Variants in SMAD7 observed in about 807,000 individuals in gnomAD.
SMAD7 encodes SMAD family member 7.
SMAD7 carries 8 observed loss-of-function variants against 38.7 expected under a neutral mutation model. The observed-to-expected ratio is 0.21, with a 90% CI of 0.12 to 0.37. The LOEUF (loss-of-function observed/expected upper bound fraction) is 0.37, where lower values mean the gene tolerates loss of function less well. Ranked by LOEUF, SMAD7 falls within the 10% of genes least tolerant of loss-of-function variation. The pLI, the probability that SMAD7 is intolerant of heterozygous loss-of-function variation, is 1.00. For synonymous variants in SMAD7, 327 were observed against 265.1 expected (o/e 1.23, Z -2.27); for missense variants, 477 against 577.9 (o/e 0.83, Z 1.79).
chr18:48,935,363 G>T (rs2070052318), intron 3 of SMAD7, among the ~76,000 whole-genome samples: 1 of 152,204 alleles, frequency 6.6e-6, no homozygotes. Flanking sequence ...CAGGCTTGGG[G>T]CTAGCCATTC....
chr18:48,929,887 A>T (rs2069976163), intron 3 of SMAD7, among the ~76,000 whole-genome samples: 2 of 152,062 alleles, frequency 1.3e-5, no homozygotes, highest in South Asian at 4.1e-4. Context: ...AGAGGGTAGG[A>T]AAACTGTCCG....
chr18:48,932,298 T>C (rs527987050), intron 3 of SMAD7, among the ~76,000 whole-genome samples: 1 of 152,218 alleles, frequency 6.6e-6, no homozygotes, highest in Non-Finnish European at 1.5e-5. Context: ...CCCCAGAAAA[T>C]GCAGACAGCT....
At chr18:48,948,845 C>T (rs1047964542) in intron 1 of SMAD7, among the ~76,000 whole-genome samples, 4 of 152,286 alleles carry the variant, frequency 2.6e-5, no homozygotes, top group African/African-American at 7.2e-5. Context: ...CTGCCCCCGC[C>T]GGTCCGCTCG....
In SMAD7 at chr18:48,950,397, C is replaced by G; in HGVS notation, c.28G>C (p.Val10Leu). The G allele has an allele frequency of 6.5e-7, 1 of 1,548,504 alleles. No homozygotes were observed. Among genetic ancestry groups the G allele is most frequent in the Non-Finnish European group, 8.7e-7 (1 of 1,148,584 alleles). MFRTKRSAL[V>L]RRLWRSRAPG... ...GCACGGCTCCTCCAGAGACGCCGGA[C>G]GAGCGCAGATCGTTTGGTCCTGAAC... Residue 10 changes from valine to leucine, a missense_variant, in exon 1 of 4, where the codon GTC (valine) becomes CTC (leucine). Around this residue, in one of 2 missense-constraint regions of SMAD7, gnomAD observed 376 missense variants for 379.4 expected, o/e 0.99. Coordinates refer to ENST00000262158, the MANE Select transcript of SMAD7 (RefSeq NM_005904.4).
At chr18:48,947,694 C>T (rs544832207) in intron 2 of SMAD7, among the ~76,000 whole-genome samples, 6 of 152,340 alleles carry the variant, frequency 3.9e-5, no homozygotes, top group Admixed American at 1.3e-4. Flanking sequence ...GTGCTGCTGC[C>T]GGCCAGAAGT....
At chr18:48,922,744 G>GC (rs146189505) in intron 3 of SMAD7, among the ~76,000 whole-genome samples, 2 of 151,960 alleles carry the variant, frequency 1.3e-5, no homozygotes, top group African/African-American at 4.8e-5. Context: ...CCCCTTCTCT[G>GC]CCGGCACCCC....
chr18:48,940,788 C>T (rs557505351), intron 3 of SMAD7, among the ~76,000 whole-genome samples: 6 of 148,956 alleles, frequency 4.0e-5, no homozygotes, highest in Middle Eastern at 3.4e-3. Context: ...CCAGCCTGGG[C>T]GACAGAGCGA....
chr18:48,947,441 C>T (rs1420114873), intron 2 of SMAD7, among the ~76,000 whole-genome samples: 2 of 152,230 alleles, frequency 1.3e-5, no homozygotes, highest in East Asian at 1.9e-4. Context: ...GTGCCCAACC[C>T]TTCACTTTTC....
chr18:48,942,612 T>C (rs762418097), intron 2 of SMAD7, 57 bp from the exon 3 acceptor site: 2 of 1,611,584 alleles, frequency 1.2e-6, no homozygotes, highest in Admixed American at 1.7e-5. Context: ...AACACCAAGA[T>C]CCATCTTTAA....
intron 2 of SMAD7, among the ~76,000 whole-genome samples, chr18:48,944,348 G>A (rs987364243): frequency 1.3e-5 from 2 of 152,200 alleles, no homozygotes; most frequent in African/African-American, 4.8e-5. Flanking sequence ...GAGCAGAGCT[G>A]AGACCACATT....
intron 3 of SMAD7, among the ~76,000 whole-genome samples, chr18:48,930,759 G>A (rs1333237515): frequency 6.6e-6 from 1 of 152,332 alleles, no homozygotes; most frequent in East Asian, 1.9e-4. Flanking sequence ...TACCGTTGGC[G>A]ATGCCTTAAA....
intron 1 of SMAD7, 74 bp downstream of exon 1, chr18:48,949,738 C>A: frequency 4.8e-6 from 7 of 1,461,982 alleles, no homozygotes; most frequent in Non-Finnish European, 6.4e-6. Flanking sequence ...GCTGCACAAA[C>A]GCACTGCCCT....
Position 48,949,799 on chromosome 18 carries a change from G to T in SMAD7, c.613+13C>A. 1 of 1,590,756 alleles carries T rather than the reference G, an allele frequency of 6.3e-7. No homozygotes were observed. Among genetic ancestry groups the T allele is most frequent in the South Asian group, 1.1e-5 (1 of 88,176 alleles). ...CTCCGGAAAATGTTGGGGGTAGGGG[G>T]ACAACTTCTCACCTAGTTCGCAGAG... On this transcript the variant is annotated intron_variant, in intron 1 of 3. Coordinates refer to ENST00000262158, the MANE Select transcript of SMAD7 (RefSeq NM_005904.4).
chr18:48,933,982 T>C (rs1223435317), intron 3 of SMAD7, among the ~76,000 whole-genome samples: 2 of 152,228 alleles, frequency 1.3e-5, no homozygotes, highest in Non-Finnish European at 2.9e-5. Flanking sequence ...TCTTTCTTTC[T>C]GGTCTCTGTC....
intron 1 of SMAD7, among the ~76,000 whole-genome samples, chr18:48,948,784 A>T (rs1350105383): frequency 6.6e-6 from 1 of 152,164 alleles, no homozygotes; most frequent in African/African-American, 2.4e-5. Flanking sequence ...CCCAGCTCCC[A>T]GCAACCTCGG....
At chr18:48,943,745 A>T (rs1304563528) in intron 2 of SMAD7, among the ~76,000 whole-genome samples, 4 of 152,194 alleles carry the variant, frequency 2.6e-5, no homozygotes, top group African/African-American at 9.7e-5. Context: ...CAAATAGGAA[A>T]GCCAAAAAAA....
At chr18:48,931,487 T>C (rs1425067526) in intron 3 of SMAD7, among the ~76,000 whole-genome samples, 1 of 152,290 alleles carries the variant, frequency 6.6e-6, no homozygotes, top group Non-Finnish European at 1.5e-5. Flanking sequence ...AATTGTGGTA[T>C]AGCATGCATT....
At chr18:48,944,555 G>A (rs1243572835) in intron 2 of SMAD7, among the ~76,000 whole-genome samples, 2 of 152,350 alleles carry the variant, frequency 1.3e-5, no homozygotes, top group East Asian at 3.9e-4. Flanking sequence ...GTAAACTGAG[G>A]CGTCACTGAC....
chr18:48,949,548 C>T (rs541160529), intron 1 of SMAD7, among the ~76,000 whole-genome samples: 2 of 152,246 alleles, frequency 1.3e-5, no homozygotes, highest in African/African-American at 2.4e-5. Flanking sequence ...TGCCCGTAGA[C>T]CCCTTCGGGG....
Sources: allele counts gnomAD v4.1 joint callset (sites outside exome capture counted in the v4.1 genomes callset), GRCh38; gene constraint gnomAD v4.1.1; regional missense constraint gnomAD v4.1.1; transcripts MANE v1.5; gene names NCBI Gene and HGNC (gene_info 2026-07-23, HGNC 2026-07-21).